WARS2: variants seen among roughly 807,000 people sequenced by gnomAD.
WARS2 encodes tryptophanyl tRNA synthetase 2, mitochondrial.
WARS2 carries 28 observed loss-of-function variants against 36.5 expected under a neutral mutation model. The observed-to-expected ratio is 0.77, with a 90% CI of 0.57 to 1.05. WARS2 has a LOEUF of 1.05. WARS2 is among the 50% of genes least tolerant of loss of function. The pLI is 0.00. For synonymous variants in WARS2, 174 were observed against 178.4 expected (o/e 0.98, Z 0.20); for missense variants, 435 against 456.8 (o/e 0.95, Z 0.44).
chr1:119,048,388 A>C (rs980128574), intron 2 of WARS2, among the ~76,000 whole-genome samples: 1 of 152,246 alleles, frequency 6.6e-6, no homozygotes, highest in Non-Finnish European at 1.5e-5. Context: ...CCTAGCATAT[A>C]GTAACTACTC....
chr1:119,055,266 G>T (rs1036683314), intron 2 of WARS2, among the ~76,000 whole-genome samples: 3 of 152,264 alleles, frequency 2.0e-5, no homozygotes, highest in Non-Finnish European at 4.4e-5. Context: ...ATGTCTAGAA[G>T]ATAGCTGGTA....
intron 1 of WARS2, among the ~76,000 whole-genome samples, chr1:119,138,173 A>C (rs899163451): frequency 3.1e-4 from 47 of 152,208 alleles, no homozygotes; most frequent in Non-Finnish European, 4.9e-4. Flanking sequence ...GATATCATAA[A>C]AATGTCTAAT....
intron 2 of WARS2, among the ~76,000 whole-genome samples, chr1:119,066,641 A>G (rs1213678689): frequency 6.6e-6 from 1 of 152,192 alleles, no homozygotes; most frequent in Non-Finnish European, 1.5e-5. Context: ...AAGAAAACAA[A>G]GGAGTTAAAA....
At chr1:119,111,450 T>C (rs944280095) in intron 1 of WARS2, among the ~76,000 whole-genome samples, 2 of 152,168 alleles carry the variant, frequency 1.3e-5, no homozygotes, top group Non-Finnish European at 2.9e-5. Flanking sequence ...TCTGCCTTCC[T>C]CCAGGTAGGT....
At chr1:119,129,894 T>C (rs1655970361) in intron 1 of WARS2, among the ~76,000 whole-genome samples, 1 of 152,158 alleles carries the variant, frequency 6.6e-6, no homozygotes, top group Non-Finnish European at 1.5e-5. Context: ...GAAGAAAATA[T>C]AAATTCTTTG....
Position 119,034,063 on chromosome 1 carries a change from C to T in WARS2, c.634+32G>A, listed in dbSNP as rs769347763. On this transcript the variant is annotated intron_variant, in intron 5 of 5. Coordinates refer to ENST00000235521, the MANE Select transcript of WARS2 (RefSeq NM_015836.4). The stretch of plus-strand genomic sequence containing the variant: ...GTCCAATCCTCTCTTTAGAATATAC[C>T]CTGATGTAACAATTATAAGTTTCTT... The T allele has an allele frequency of 1.3e-5, 20 of 1,574,866 alleles. No homozygotes were observed. The Middle Eastern group carries it at 1.0e-3, about 79-fold the overall frequency.
intron 1 of WARS2, chr1:119,085,425 G>A: frequency 2.0e-6 from 3 of 1,479,418 alleles, no homozygotes; most frequent in Non-Finnish European, 2.8e-6. Context: ...TGGTTGCTCT[G>A]CCTGTACCTC....
chr1:119,056,522 T>C (rs1017341581), intron 2 of WARS2, among the ~76,000 whole-genome samples: 4 of 141,000 alleles, frequency 2.8e-5, no homozygotes, highest in Non-Finnish European at 4.5e-5. Flanking sequence ...ACTTAGACTA[T>C]AGACTAAATA....
At chr1:119,138,624 A>G (rs587603161) in intron 1 of WARS2, among the ~76,000 whole-genome samples, 1 of 152,334 alleles carries the variant, frequency 6.6e-6, no homozygotes, top group East Asian at 1.9e-4. Flanking sequence ...ACACTTATAT[A>G]TAAACATAAC....
At chr1:119,113,470 C>T (rs1326730331) in intron 1 of WARS2, among the ~76,000 whole-genome samples, 1 of 152,118 alleles carries the variant, frequency 6.6e-6, no homozygotes, top group Non-Finnish European at 1.5e-5. Flanking sequence ...CCAAAGCTCA[C>T]TCAGATAGCA....
intron 1 of WARS2, among the ~76,000 whole-genome samples, chr1:119,103,377 T>C (rs918613844): frequency 5.3e-5 from 8 of 152,258 alleles, no homozygotes; most frequent in South Asian, 2.1e-4. Context: ...GTAATTCACA[T>C]CCCAACATTT....
Position 119,112,989 on chromosome 1 carries a change from G to A in WARS2, c.90+27566C>T, listed in dbSNP as rs375623008. Among the ~76,000 whole-genome samples, 188 of 152,288 alleles carry A rather than the reference G, an allele frequency of 1.2e-3. 6 individuals carry two copies. The South Asian group carries it at 0.038, about 31-fold the overall frequency. On this transcript the variant is annotated intron_variant, in intron 1 of 5. Coordinates refer to ENST00000235521, the MANE Select transcript of WARS2 (RefSeq NM_015836.4). ...CGTAAGGAATAGGGTGACACATCAT[G>A]AGAAAGAAGTAAGGTCAATAGATAA...
chr1:119,047,799 A>G (rs1279178566), intron 2 of WARS2, among the ~76,000 whole-genome samples: 1 of 152,234 alleles, frequency 6.6e-6, no homozygotes, highest in Non-Finnish European at 1.5e-5. Flanking sequence ...GTATAACCCG[A>G]TTAGCCACAG....
intron 1 of WARS2, among the ~76,000 whole-genome samples, chr1:119,120,837 T>G (rs968048316): frequency 6.6e-6 from 1 of 152,012 alleles, no homozygotes; most frequent in African/African-American, 2.4e-5. Context: ...TTTGACAAAA[T>G]CTAACATTCC....
chr1:119,044,237 C>A (rs960494519), intron 3 of WARS2, among the ~76,000 whole-genome samples: 2 of 152,082 alleles, frequency 1.3e-5, no homozygotes, highest in Non-Finnish European at 2.9e-5. Flanking sequence ...TACAAACAAG[C>A]AATTATATAC....
chr1:119,071,907 C>A (rs587623097), intron 2 of WARS2, among the ~76,000 whole-genome samples: 12 of 152,062 alleles, frequency 7.9e-5, no homozygotes, highest in Admixed American at 5.9e-4. Context: ...TAAATATATG[C>A]AATTTTTATT....
At position 119,031,614 on chromosome 1, in the gene WARS2, A is replaced by G. The variant is rs1476125146; in HGVS notation, c.*1297T>C. On this transcript the variant is annotated 3_prime_UTR_variant, in exon 6 of 6. Coordinates refer to ENST00000235521, the MANE Select transcript of WARS2 (RefSeq NM_015836.4). ...ATAAGCAATTTCTGTTACAAAATCG[A>G]TCTTGCTAACAGGTCTTGGTGTATA... The G allele has an allele frequency of 1.3e-5, 2 of 152,148 alleles. No individual in the cohort carries two copies. Among genetic ancestry groups the G allele is most frequent in the South Asian group, 2.1e-4 (1 of 4,828 alleles). 9.4% of individuals were successfully genotyped at this position (152,148 alleles called of 1,614,324 possible).
chr1:119,105,666 C>T (rs587757243), intron 1 of WARS2, among the ~76,000 whole-genome samples: 1 of 152,316 alleles, frequency 6.6e-6, no homozygotes, highest in East Asian at 1.9e-4. Flanking sequence ...AATCTCAGCA[C>T]TTTGGGAGGC....
chr1:119,066,206 G>A (rs773884926), intron 2 of WARS2, among the ~76,000 whole-genome samples: 17 of 152,106 alleles, frequency 1.1e-4, no homozygotes, highest in African/African-American at 2.4e-4. Context: ...GGCTGGGTGC[G>A]GTGGCTCACG....
Sources: gnomAD v4.1 joint callset for allele counts (sites outside exome capture counted in the v4.1 genomes callset) on GRCh38, gnomAD v4.1.1 for gene constraint, MANE v1.5 for transcripts, NCBI Gene and HGNC (gene_info 2026-07-23, HGNC 2026-07-21) for gene names.